The following CHODL variants were observed in gnomAD, a reference collection of about 807,000 sequenced individuals.
The protein encoded by CHODL is transmembrane protein MT75.
Under a neutral mutation model 34.5 loss-of-function variants are expected in CHODL, and 29 were observed. That is an observed-to-expected ratio of 0.84 (90% CI 0.63 to 1.15). The LOEUF (loss-of-function observed/expected upper bound fraction) is 1.15. CHODL is among the 50% of genes most tolerant of loss of function. CHODL has a pLI of 0.00. For missense variants in CHODL, 332 were observed against 332.5 expected (o/e 1.00, Z 0.01); for synonymous variants, 125 against 116.1 (o/e 1.08, Z -0.49).
At chr21:18,147,868 C>T (rs1485708432) in intron 2 of CHODL, among the ~76,000 whole-genome samples, 1 of 152,184 alleles carries the variant, frequency 6.6e-6, no homozygotes, top group Non-Finnish European at 1.5e-5. Context: ...TAGGTTCCTC[C>T]CTAAGCTCAA....
intron 2 of CHODL, among the ~76,000 whole-genome samples, chr21:18,031,663 G>T (rs1198138142): frequency 1.3e-5 from 2 of 152,072 alleles, no homozygotes; most frequent in East Asian, 3.9e-4. Flanking sequence ...AGTGGGGATG[G>T]TTGAATCCTG....
intron 2 of CHODL, among the ~76,000 whole-genome samples, chr21:18,139,538 A>C (rs929576149): frequency 1.3e-5 from 2 of 152,136 alleles, no homozygotes; most frequent in African/African-American, 4.8e-5. Context: ...TGTAACCATT[A>C]ATGGCTCATC....
chr21:18,134,333 G>A (rs371795349), intron 2 of CHODL: 33 of 517,584 alleles, frequency 6.4e-5, no homozygotes, highest in African/African-American at 6.2e-4. Flanking sequence ...GATAAACAGT[G>A]GTGACTTCAC....
At chr21:18,105,519 T>G (rs1240901654) in intron 2 of CHODL, among the ~76,000 whole-genome samples, 2 of 152,132 alleles carry the variant, frequency 1.3e-5, no homozygotes, top group African/African-American at 4.8e-5. Context: ...TTATGGAGCT[T>G]ACTATCAAGA....
At position 18,260,298 on chromosome 21, in the gene CHODL, A is replaced by G. The variant is rs766706152; in HGVS notation, c.634+12A>G. 1 of 1,519,308 alleles carries G rather than the reference A, an allele frequency of 6.6e-7. No homozygotes were observed. The highest frequency in any genetic ancestry group is 9.0e-7 in the Non-Finnish European group (1 of 1,110,728). The allele number at this position is 1,519,308 out of a possible 1,614,324, so 94.1% of individuals were successfully genotyped here. On this transcript the variant is annotated intron_variant, in intron 4 of 5. Transcript: ENST00000299295. The stretch of plus-strand genomic sequence containing the variant: ...TGTTACTGAAGCAGGTAATTACTTC[A>G]TGTGTCTTTAACTTCATCAAGAACT...
chr21:18,217,861 A>C (rs1017917351), intron 2 of CHODL, among the ~76,000 whole-genome samples: 1 of 152,190 alleles, frequency 6.6e-6, no homozygotes, highest in Admixed American at 6.5e-5. Context: ...TACAGACCCC[A>C]TATAAGTACA....
rs143984144 is a variant in CHODL, at chr21:18,059,417, C to T, written c.-45+31446C>T. ...CCTGGTCATCAAATGGGGCGAAGAG[C>T]CTTTATTCAGATGTCAGCTTTTTCA... On this transcript the variant is annotated intron_variant, in intron 2 of 6. Coordinates refer to the CHODL transcript ENST00000400127. Among the ~76,000 whole-genome samples, 39 of 152,150 alleles carry T rather than the reference C, an allele frequency of 2.6e-4. No individual in the cohort carries two copies. In the East Asian group the frequency reaches 7.5e-3, roughly 29 times the overall value.
intron 2 of CHODL, among the ~76,000 whole-genome samples, chr21:18,196,580 A>G (rs1385911123): frequency 2.0e-5 from 3 of 152,192 alleles, no homozygotes; most frequent in African/African-American, 7.2e-5. Context: ...CCATTTCGGA[A>G]AGTAGAGTTG....
At chr21:17,923,406 A>AACTTTCCC in intron 1 of CHODL, among the ~76,000 whole-genome samples, 1 of 151,998 alleles carries the variant, frequency 6.6e-6, no homozygotes. Flanking sequence ...AGATGTTAAC[A>AACTTTCCC]ACTTTCCCAC....
intron 2 of CHODL, among the ~76,000 whole-genome samples, chr21:18,143,787 G>A (rs1362072880): frequency 2.0e-5 from 3 of 152,032 alleles, no homozygotes; most frequent in Admixed American, 2.0e-4. Flanking sequence ...ATCTTACAGA[G>A]ATTTTTCAGA....
chr21:17,964,014 C>G (rs2063552916), intron 1 of CHODL, among the ~76,000 whole-genome samples: 1 of 152,032 alleles, frequency 6.6e-6, no homozygotes, highest in South Asian at 2.1e-4. Context: ...AAAATGTATT[C>G]AGAGTACATA....
chr21:18,157,179 C>A (rs1043734986), intron 2 of CHODL, among the ~76,000 whole-genome samples: 1 of 152,086 alleles, frequency 6.6e-6, no homozygotes, highest in African/African-American at 2.4e-5. Context: ...TGGAGGAGTG[C>A]CAAGTTTAGC....
intron 1 of CHODL, among the ~76,000 whole-genome samples, chr21:17,949,526 C>G (rs1303161319): frequency 6.6e-6 from 1 of 152,112 alleles, no homozygotes; most frequent in Non-Finnish European, 1.5e-5. Context: ...AGATGAAGTT[C>G]CTCTTCACTT....
intron 2 of CHODL, among the ~76,000 whole-genome samples, chr21:18,040,802 G>A (rs183096508): frequency 4.6e-5 from 7 of 150,794 alleles, no homozygotes; most frequent in Non-Finnish European, 7.4e-5. Context: ...TTGTCTACTC[G>A]CAGGTGGTAA....
chr21:18,241,249 T>TAAA (rs34330433), upstream of CHODL, among the ~76,000 whole-genome samples: 18,320 of 144,932 alleles, frequency 0.13, 1,141 homozygotes, highest in Middle Eastern at 0.16. Context: ...ATTACTCAGA[T>TAAA]AAAAAAAAAA....
At chr21:18,136,841 TAGG>T (rs1211112035) in intron 2 of CHODL, among the ~76,000 whole-genome samples, 4 of 150,198 alleles carry the variant, frequency 2.7e-5, no homozygotes, top group African/African-American at 7.3e-5. Flanking sequence ...TAGTTTTTGT[TAGG>T]AGCCATATTA....
chr21:18,141,895 C>T (rs979167036), intron 2 of CHODL, among the ~76,000 whole-genome samples: 1 of 151,926 alleles, frequency 6.6e-6, no homozygotes, highest in African/African-American at 2.4e-5. Context: ...TGATGGTAGT[C>T]GCCCAGGTAT....
chr21:18,216,609 C>A (rs1392698881), intron 2 of CHODL, among the ~76,000 whole-genome samples: 1 of 152,082 alleles, frequency 6.6e-6, no homozygotes, highest in Non-Finnish European at 1.5e-5. Context: ...AAATGACAAG[C>A]GTATTAGTCA....
At chr21:18,111,286 T>C (rs535172233) in intron 2 of CHODL, among the ~76,000 whole-genome samples, 6 of 152,204 alleles carry the variant, frequency 3.9e-5, no homozygotes, top group African/African-American at 7.2e-5. Flanking sequence ...GGCGAACTGA[T>C]ACACATTCAA....
Sources: allele counts gnomAD v4.1 joint callset (sites outside exome capture counted in the v4.1 genomes callset), GRCh38; gene constraint gnomAD v4.1.1; transcripts MANE v1.5; gene names NCBI Gene and HGNC (gene_info 2026-07-23, HGNC 2026-07-21).